Variants in PLPP1 observed in about 807,000 individuals in gnomAD.
The protein encoded by PLPP1 is phospholipid phosphatase 1, also known as lipid phosphate phosphohydrolase 1a.
Under a neutral mutation model 31.2 loss-of-function variants are expected in PLPP1, and 24 were observed. The ratio of observed to expected loss-of-function variants is 0.77; its 90% CI spans 0.56 to 1.08. The LOEUF (loss-of-function observed/expected upper bound fraction) is 1.08. Among genes scored for constraint, PLPP1 ranks in the 50% least tolerant of loss-of-function variants. The pLI, the probability that PLPP1 is intolerant of heterozygous loss-of-function variation, is 0.00. For synonymous variants in PLPP1, 146 were observed against 126.3 expected (o/e 1.16, Z -1.05); for missense variants, 319 against 342.7 (o/e 0.93, Z 0.55).
chr5:55,440,529 T>C (rs4865940), intron 4 of PLPP1, among the ~76,000 whole-genome samples: 132,664 of 152,226 alleles, frequency 0.87, 58,042 homozygotes, highest in South Asian at 0.92. Flanking sequence ...TTTTCCATGC[T>C]GCATCTGCAG....
chr5:55,491,149 A>C (rs1282241878), intron 1 of PLPP1: 3 of 1,596,968 alleles, frequency 1.9e-6, no homozygotes, highest in Non-Finnish European at 2.6e-6. Flanking sequence ...ACACATGATT[A>C]AATTCAATTC....
At chr5:55,520,040 T>C (rs1753631885) in intron 1 of PLPP1, among the ~76,000 whole-genome samples, 1 of 152,232 alleles carries the variant, frequency 6.6e-6, no homozygotes, top group African/African-American at 2.4e-5. Context: ...AAAATCTTCA[T>C]GTTTTAGGAG....
At chr5:55,506,527 A>T (rs1753283240) in intron 1 of PLPP1, among the ~76,000 whole-genome samples, 1 of 152,204 alleles carries the variant, frequency 6.6e-6, no homozygotes, top group Non-Finnish European at 1.5e-5. Flanking sequence ...TAACCCTATT[A>T]AATTTGGTTA....
intron 3 of PLPP1, among the ~76,000 whole-genome samples, chr5:55,443,177 TAAAA>T (rs1178247543): frequency 7.3e-4 from 37 of 51,018 alleles, no homozygotes; most frequent in African/African-American, 2.3e-3. Flanking sequence ...AAGGATTACT[TAAAA>T]AAAAAAAAAA....
chr5:55,482,140 TC>T (rs1444069706), intron 1 of PLPP1, among the ~76,000 whole-genome samples: 1 of 148,206 alleles, frequency 6.7e-6, no homozygotes, highest in Admixed American at 6.8e-5. Context: ...TATTTATATT[TC>T]CCCCTTTGGA....
In PLPP1 at chr5:55,468,049, G is replaced by A. The variant is rs751578571; in HGVS notation, c.311C>T (p.Thr104Ile). ...ACTAGCAGCTGCACCAAATAAAAAG[G>A]TTCCAATGGCTTTGTAAATAGTGGC... ...YIATIYKAIG[T>I]FLFGAAASQS... Residue 104 changes from threonine (T) to isoleucine (I), a missense_variant, in exon 3 of 6, where the codon ACC (threonine) becomes ATC (isoleucine). Transcript: ENST00000307259. 6 of 1,614,116 alleles carry A rather than the reference G, an allele frequency of 3.7e-6. No individual in the cohort carries two copies. The highest frequency in any genetic ancestry group is 2.2e-5 in the South Asian group (2 of 91,084).
At position 55,534,942 on chromosome 5, in the gene PLPP1, T is replaced by C; in HGVS notation, c.-313A>G. The C allele has an allele frequency of 8.0e-6, 3 of 376,088 alleles. No homozygotes were observed. The South Asian group carries it at 1.3e-4, about 17-fold the overall frequency. 23.3% of individuals were successfully genotyped at this position (376,088 alleles called of 1,614,324 possible). A position where few individuals can be genotyped will look rare whatever the true frequency, so the allele number is the denominator to read the frequency against. On this transcript the variant is annotated 5_prime_UTR_variant, in exon 1 of 6. Transcript: ENST00000307259. ...CACGGCCTGCCCCGGTTGCTCCCCG[T>C]CCGGATCCCGGCGCTCTCTCCCACA...
chr5:55,466,139 C>T lies in PLPP1; in HGVS notation c.491+1730G>A, dbSNP rs567840784. On this transcript the variant is annotated intron_variant, in intron 3 of 5. Transcript: ENST00000307259. ...TCTACCTCTTCAGTCACTTTTCCCT[C>T]CTTCATTAAGACTTTACACCCATAT... 2.0e-5 allele frequency among the ~76,000 whole-genome samples: 3 copies of T among 152,322 alleles called. No homozygotes were observed. The South Asian group carries it at 6.2e-4, about 32-fold the overall frequency.
intron 3 of PLPP1, among the ~76,000 whole-genome samples, chr5:55,443,193 AT>A (rs1439054370): frequency 0.023 from 557 of 24,526 alleles, 4 homozygotes; most frequent in African/African-American, 0.041. Flanking sequence ...AAAAAAAAAA[AT>A]ATATATATAT....
chr5:55,485,910 G>A (rs949793121), intron 1 of PLPP1, among the ~76,000 whole-genome samples: 1 of 152,140 alleles, frequency 6.6e-6, no homozygotes, highest in East Asian at 1.9e-4. Flanking sequence ...AAAAAGTACT[G>A]TAATCAGCTG....
chr5:55,475,551 C>T (rs1454783455), intron 1 of PLPP1, 101 bp from the exon 2 acceptor site: 35 of 1,068,014 alleles, frequency 3.3e-5, no homozygotes, highest in African/African-American at 6.5e-5. Flanking sequence ...ATGCATTTGC[C>T]ATGAAAATAA....
At chr5:55,466,706 AAAAAGAAAAAAAGG>A (rs1347287876) in intron 3 of PLPP1, among the ~76,000 whole-genome samples, 4 of 152,092 alleles carry the variant, frequency 2.6e-5, no homozygotes, top group African/African-American at 9.7e-5. Flanking sequence ...CCATCTCAAA[AAAAAGAAAAAAAGG>A]AAAAGAAAAA....
At chr5:55,476,644 T>TAATA (rs953269538) in intron 1 of PLPP1, among the ~76,000 whole-genome samples, 6 of 152,154 alleles carry the variant, frequency 3.9e-5, no homozygotes, top group Middle Eastern at 3.2e-3. Context: ...GTCCCTGCAG[T>TAATA]AATACCATAA....
rs373408079 is a variant in PLPP1 at position 55,495,556 on chromosome 5, C to T, written c.59-20106G>A. Among the ~76,000 whole-genome samples, 43 of 152,200 alleles carry T rather than the reference C, an allele frequency of 2.8e-4. No individual in the cohort carries two copies. In the East Asian group the frequency reaches 4.8e-3, roughly 17 times the overall value. ...GCTAAGACATCAAGGAGCATGAGAA[C>T]TGAGTAAAGACTGAGGTCTTTACTG... On this transcript the variant is annotated intron_variant, in intron 1 of 5. Transcript: ENST00000307259.
At chr5:55,518,047 T>C (rs1753588780) in intron 1 of PLPP1, among the ~76,000 whole-genome samples, 1 of 152,044 alleles carries the variant, frequency 6.6e-6, no homozygotes, top group East Asian at 1.9e-4. Flanking sequence ...GGTTTCACCA[T>C]GTTGGTCAGA....
In PLPP1 at chr5:55,466,725, G is replaced by GA. The variant is rs539855996; in HGVS notation, c.491+1143dup. ...CTCAAAAAAAAGAAAAAAAGGAAAA[G>GA]AAAAAAAAAATTGAAGCTATTAGCA... On this transcript the variant is annotated intron_variant, in intron 3 of 5. Coordinates refer to ENST00000307259, the MANE Select transcript of PLPP1 (RefSeq NM_003711.4). Among the ~76,000 whole-genome samples, 219 of 146,750 alleles carry GA rather than the reference G, an allele frequency of 1.5e-3. 2 individuals carry two copies. The Middle Eastern group carries it at 0.024, about 16-fold the overall frequency.
chr5:55,436,184 G>C (rs1040475761), intron 4 of PLPP1, among the ~76,000 whole-genome samples: 4 of 152,152 alleles, frequency 2.6e-5, no homozygotes, highest in African/African-American at 9.7e-5. Flanking sequence ...TCCACCTGCA[G>C]GCAGCAAATG....
At chr5:55,437,525 G>GA (rs1231661814) in intron 4 of PLPP1, among the ~76,000 whole-genome samples, 103 of 148,106 alleles carry the variant, frequency 7.0e-4, no homozygotes, top group African/African-American at 2.3e-3. Context: ...ACCTTTCACT[G>GA]AAAAAAAAAA....
intron 1 of PLPP1, among the ~76,000 whole-genome samples, chr5:55,503,913 G>GTAGAGGGGGGAGGAA (rs1753203502): frequency 1.5e-4 from 2 of 13,702 alleles, no homozygotes; most frequent in African/African-American, 2.6e-4. Flanking sequence ...GGGGGAGGAA[G>GTAGAGGGGGGAGGAA]GGGGGGGAGG....
Sources: gnomAD v4.1 joint callset for allele counts (sites outside exome capture counted in the v4.1 genomes callset) on GRCh38, gnomAD v4.1.1 for gene constraint, MANE v1.5 for transcripts, NCBI Gene and HGNC (gene_info 2026-07-23, HGNC 2026-07-21) for gene names.